Variants in PARD3B observed in about 807,000 individuals in gnomAD.
PARD3B encodes the protein partitioning defective 3 homolog B.
In PARD3B, 103 loss-of-function variants were observed where a neutral mutation model predicts 130.2. The observed-to-expected ratio is 0.79, with a 90% CI of 0.67 to 0.93. The LOEUF (loss-of-function observed/expected upper bound fraction) is 0.93, where lower values mean the gene tolerates loss of function less well. Among genes scored for constraint, PARD3B ranks in the 40% least tolerant of loss-of-function variants. The probability of loss-of-function intolerance (pLI) is 0.00; values close to 1 mark genes in which losing one functional copy is unlikely to be tolerated. For synonymous variants in PARD3B, 583 were observed against 553.2 expected, an observed-to-expected ratio of 1.05 and a Z score of -0.76; for missense variants, 1,609 against 1,499.2, an observed-to-expected ratio of 1.07 and a Z score of -1.21.
rs114689929 is a variant in PARD3B, at chr2:205,498,597, G to A, written c.3045-1299G>A. Among the ~76,000 whole-genome samples, 918 of 152,274 alleles carry A rather than the reference G, an allele frequency of 6.0e-3. 12 individuals carry two copies. Among genetic ancestry groups the A allele is most frequent in the African/African-American group, 0.021 (875 of 41,554 alleles). On this transcript the variant is annotated intron_variant, in intron 20 of 22. Transcript: ENST00000406610. ...AAAGGGAACATACACCATACACCTG[G>A]TATGTGTGTAAGGCAGGACAAAAGA...
At chr2:204,745,358 A>T (rs1261216393) in intron 2 of PARD3B, among the ~76,000 whole-genome samples, 3 of 152,072 alleles carry the variant, frequency 2.0e-5, no homozygotes, top group Non-Finnish European at 4.4e-5. Context: ...AGATTTTTGC[A>T]TACGTTACTT....
At chr2:204,692,569 C>T (rs555477469) in intron 2 of PARD3B, among the ~76,000 whole-genome samples, 2 of 151,442 alleles carry the variant, frequency 1.3e-5, no homozygotes, top group East Asian at 2.0e-4. Flanking sequence ...AGATTTCCAT[C>T]GCAAGCTAAA....
At chr2:204,722,171 G>T (rs2039027555) in intron 2 of PARD3B, among the ~76,000 whole-genome samples, 4 of 152,088 alleles carry the variant, frequency 2.6e-5, no homozygotes, top group Admixed American at 1.3e-4. Context: ...ACAAACAAAA[G>T]AGATTGAAAT....
intron 2 of PARD3B, among the ~76,000 whole-genome samples, chr2:204,961,665 G>A (rs765144664): frequency 5.9e-5 from 9 of 152,134 alleles, no homozygotes; most frequent in Non-Finnish European, 8.8e-5. Flanking sequence ...GAGACTAAAT[G>A]TGGAAGATGA....
intron 1 of PARD3B, among the ~76,000 whole-genome samples, chr2:204,617,503 T>C (rs1338209045): frequency 6.6e-6 from 1 of 152,142 alleles, no homozygotes; most frequent in African/African-American, 2.4e-5. Flanking sequence ...CCAAGGCAAC[T>C]AGCATGAATG....
At chr2:204,960,105 T>G (rs535679332) in intron 2 of PARD3B, among the ~76,000 whole-genome samples, 1 of 152,304 alleles carries the variant, frequency 6.6e-6, no homozygotes, top group African/African-American at 2.4e-5. Flanking sequence ...GCTGGACACA[T>G]CACTGTTGAG....
intron 11 of PARD3B, 149 bp from the exon 12 acceptor site, chr2:205,172,062 T>G: frequency 1.4e-6 from 1 of 721,510 alleles, no homozygotes; most frequent in East Asian, 2.8e-5. Flanking sequence ...TCCAGAGCCT[T>G]TTTCTGCCAT....
intron 21 of PARD3B, among the ~76,000 whole-genome samples, chr2:205,522,745 A>T (rs527799682): frequency 1.1e-3 from 166 of 152,236 alleles, no homozygotes; most frequent in Middle Eastern, 3.4e-3. Flanking sequence ...CACACAATAA[A>T]TTTTTACTAA....
chr2:205,237,984 A>G (rs2039144960), intron 15 of PARD3B, among the ~76,000 whole-genome samples: 3 of 152,216 alleles, frequency 2.0e-5, no homozygotes, highest in Admixed American at 1.3e-4. Flanking sequence ...CATTTACACT[A>G]CACCATTCCT....
chr2:205,169,232 G>A (rs1475265328), intron 11 of PARD3B, among the ~76,000 whole-genome samples: 1 of 152,038 alleles, frequency 6.6e-6, no homozygotes, highest in East Asian at 1.9e-4. Flanking sequence ...GAGAGTGTGT[G>A]GATTTTTATT....
chr2:205,164,896 A>C (rs545992223), intron 11 of PARD3B, among the ~76,000 whole-genome samples: 1 of 150,954 alleles, frequency 6.6e-6, no homozygotes, highest in East Asian at 1.9e-4. Context: ...ATGCTCAAAT[A>C]AAACTCTGAC....
Position 205,300,665 on chromosome 2 carries a change from G to T in PARD3B, c.2321G>T (p.Gly774Val). The part of the protein sequence containing the change: ...FHRPRPHMVR[G>V]RGCNESFRAA... The stretch of plus-strand genomic sequence containing the variant: ...AGGCCCCGGCCGCACATGGTTCGAG[G>T]CCGAGGCTGCAATGAGAGCTTTAGA... Residue 774 changes from glycine to valine, a missense_variant, in exon 17 of 23, where the codon GGC (glycine) becomes GTC (valine). Physicochemically the swap from Gly to Val is moderately radical, Grantham distance 109 (BLOSUM62 -3). Coordinates refer to ENST00000406610, the MANE Select transcript of PARD3B (RefSeq NM_001302769.2). This position sits in a 1 kb window ranked among gnomAD's most constrained non-coding sequence, Gnocchi z 4.1. 13 of 1,613,982 alleles carry T rather than the reference G, an allele frequency of 8.1e-6. No homozygotes were observed. Among genetic ancestry groups the T allele is most frequent in the Non-Finnish European group, 1.1e-5 (13 of 1,180,022 alleles).
At chr2:205,157,283 C>T (rs2034233228) in intron 10 of PARD3B, among the ~76,000 whole-genome samples, 1 of 152,144 alleles carries the variant, frequency 6.6e-6, no homozygotes, top group Admixed American at 6.5e-5. Flanking sequence ...TCTGGCATTC[C>T]AATGGAAATT....
intron 2 of PARD3B, among the ~76,000 whole-genome samples, chr2:204,879,743 T>C (rs374990309): frequency 2.6e-5 from 4 of 152,206 alleles, no homozygotes; most frequent in African/African-American, 7.2e-5. Flanking sequence ...ATTGGGGAAT[T>C]GAATGTTTGG....
In PARD3B at chr2:205,288,171, C is replaced by T. The variant is rs1335625105; in HGVS notation, c.2186-12359C>T. 1.3e-5 allele frequency among the ~76,000 whole-genome samples: 2 copies of T among 152,070 alleles called. No individual in the cohort carries two copies. The highest frequency in any genetic ancestry group is 4.8e-5 in the African/African-American group (2 of 41,412). ...CAATGAAGCCATGCCAGGAGGAAGC[C>T]TAGGGGTAGCAGGCAGTGCCCCCTG... On this transcript the variant is annotated intron_variant, in intron 16 of 22. Transcript: ENST00000406610. This position sits in a 1 kb window ranked among gnomAD's most constrained non-coding sequence, Gnocchi z 4.0.
intron 16 of PARD3B, among the ~76,000 whole-genome samples, chr2:205,277,578 A>T (rs1465402921): frequency 6.6e-6 from 1 of 152,166 alleles, no homozygotes; most frequent in African/African-American, 2.4e-5. Context: ...ATGTCTAAAA[A>T]ATGGCCAGTA....
At chr2:205,544,866 G>C (rs2052317606) in intron 21 of PARD3B, among the ~76,000 whole-genome samples, 1 of 152,204 alleles carries the variant, frequency 6.6e-6, no homozygotes, top group Non-Finnish European at 1.5e-5. Flanking sequence ...GCACAGGTTA[G>C]AAGGGACTTC....
chr2:205,155,239 T>C lies in PARD3B; in HGVS notation c.1435-3483T>C, dbSNP rs951456818. 1.1e-4 allele frequency among the ~76,000 whole-genome samples: 16 copies of C among 152,308 alleles called. 1 individual carries two copies. Among genetic ancestry groups the C allele is most frequent in the African/African-American group, 3.8e-4 (16 of 41,580 alleles). ...TTTTAGGAGGGACAGTTTCAGAATA[T>C]GCCATGAGGTGTCTGCGGTGTAGAT... is the stretch of plus-strand genomic sequence containing the variant. On this transcript the variant is annotated intron_variant, in intron 10 of 22. Transcript: ENST00000406610.
At chr2:205,385,208 G>A (rs970711995) in intron 18 of PARD3B, among the ~76,000 whole-genome samples, 15 of 151,912 alleles carry the variant, frequency 9.9e-5, no homozygotes, top group African/African-American at 3.4e-4. Flanking sequence ...AAATTCAAGT[G>A]AGTTTATGCA....
Sources: allele counts gnomAD v4.1 joint callset (sites outside exome capture counted in the v4.1 genomes callset), GRCh38; gene constraint gnomAD v4.1.1; non-coding constraint Gnocchi (gnomAD v3.1); transcripts MANE v1.5; gene names NCBI Gene and HGNC (gene_info 2026-07-23, HGNC 2026-07-21).